Variants in ARHGEF10 observed in about 807,000 individuals in gnomAD.
ARHGEF10 encodes Rho guanine nucleotide exchange factor (GEF) 10.
In ARHGEF10, 140 loss-of-function variants were observed where a neutral mutation model predicts 147.4. That is an observed-to-expected ratio of 0.95 (90% CI 0.83 to 1.09). ARHGEF10 has a LOEUF of 1.09. Ranked by LOEUF, ARHGEF10 falls within the 50% of genes least tolerant of loss-of-function variation. The pLI, the probability that ARHGEF10 is intolerant of heterozygous loss-of-function variation, is 0.00. For synonymous variants in ARHGEF10, 902 were observed against 695.8 expected, an observed-to-expected ratio of 1.30 and a Z score of -4.67; for missense variants, 2,222 against 1,752.7, an observed-to-expected ratio of 1.27 and a Z score of -4.78.
intron 6 of ARHGEF10, 147 bp downstream of exon 6, chr8:1,866,749 C>A: frequency 1.1e-6 from 1 of 874,898 alleles, no homozygotes; most frequent in Non-Finnish European, 1.8e-6. Flanking sequence ...CATGGGCTGA[C>A]TGTGCAGAAG....
At chr8:1,898,656 C>T (rs895565502) in intron 15 of ARHGEF10, 131 bp downstream of exon 15, 21 of 954,292 alleles carry the variant, frequency 2.2e-5, no homozygotes, top group Non-Finnish European at 2.6e-5. Context: ...TAGGCAGTTA[C>T]AGGAGGTGGA....
intron 4 of ARHGEF10, among the ~76,000 whole-genome samples, chr8:1,864,011 C>T (rs978543395): frequency 6.6e-6 from 1 of 152,014 alleles, no homozygotes; most frequent in Non-Finnish European, 1.5e-5. Flanking sequence ...GAGAACATCC[C>T]GTTTCTTTCT....
At chr8:1,889,162 T>A (rs1280527268) in intron 11 of ARHGEF10, among the ~76,000 whole-genome samples, 1 of 65,310 alleles carries the variant, frequency 1.5e-5, no homozygotes, top group African/African-American at 7.4e-5. Flanking sequence ...GAGGAGACGC[T>A]GAGTTGGGGG....
At chr8:1,826,224 T>G in intron 1 of ARHGEF10, 2 of 1,204,106 alleles carry the variant, frequency 1.7e-6, no homozygotes, top group Non-Finnish European at 2.4e-6. Flanking sequence ...TTATTCAGAA[T>G]AGCTTTTTAT....
intron 26 of ARHGEF10, among the ~76,000 whole-genome samples, chr8:1,935,947 A>C (rs779282223): frequency 6.6e-6 from 1 of 152,192 alleles, no homozygotes; most frequent in Non-Finnish European, 1.5e-5. Flanking sequence ...GTGGTGCCTG[A>C]TGAGCCCACC....
At chr8:1,849,296 C>T (rs980523972) in intron 2 of ARHGEF10, among the ~76,000 whole-genome samples, 3 of 143,464 alleles carry the variant, frequency 2.1e-5, no homozygotes, top group African/African-American at 5.3e-5. Context: ...GTGGACACAG[C>T]AAATGCCGAG....
At chr8:1,844,387 G>T (rs1248035457) in intron 2 of ARHGEF10, among the ~76,000 whole-genome samples, 1 of 152,310 alleles carries the variant, frequency 6.6e-6, no homozygotes, top group South Asian at 2.1e-4. Flanking sequence ...GGTCACCGGG[G>T]CCTGGTAGAT....
At chr8:1,860,729 G>A (rs1055130582) in intron 4 of ARHGEF10, among the ~76,000 whole-genome samples, 6 of 152,172 alleles carry the variant, frequency 3.9e-5, no homozygotes, top group African/African-American at 1.4e-4. Context: ...CCCACCAGCT[G>A]CTCACGGGAG....
rs1014388069 is a variant in ARHGEF10, at chr8:1,882,757, C to T, written c.1075+8C>T. ...AGTCTCTCATCGCACAGGGTCCGTGCCTGCAGGTCTTCTTGCGGGGAGGAC... is the reference window on the plus strand; with the variant it reads ...AGTCTCTCATCGCACAGGGTCCGTGTCTGCAGGTCTTCTTGCGGGGAGGAC... On this transcript the variant is annotated splice_region_variant and intron_variant, in intron 10 of 28. Coordinates refer to ENST00000349830, the MANE Select transcript of ARHGEF10 (RefSeq NM_014629.4). 30 of 1,411,624 alleles carry T rather than the reference C, an allele frequency of 2.1e-5. No individual in the cohort carries two copies. The highest frequency in any genetic ancestry group is 1.9e-4 in the Middle Eastern group (1 of 5,222). 87.4% of individuals were successfully genotyped at this position (1,411,624 alleles called of 1,614,324 possible).
chr8:1,846,523 C>T (rs180997110), intron 2 of ARHGEF10, among the ~76,000 whole-genome samples: 1 of 152,184 alleles, frequency 6.6e-6, no homozygotes, highest in Non-Finnish European at 1.5e-5. Context: ...CATCACTTTT[C>T]TGGTTTTTTT....
chr8:1,840,474 C>G (rs2129048082), intron 1 of ARHGEF10, among the ~76,000 whole-genome samples: 2 of 143,680 alleles, frequency 1.4e-5, no homozygotes, highest in Non-Finnish European at 3.1e-5. Context: ...GGTGTGGGTA[C>G]TGTCCTGTGT....
intron 1 of ARHGEF10, among the ~76,000 whole-genome samples, chr8:1,838,240 G>C (rs1803709822): frequency 6.6e-6 from 1 of 152,232 alleles, no homozygotes; most frequent in Non-Finnish European, 1.5e-5. Flanking sequence ...ATTGGCCCTG[G>C]TGCCAGCGTC....
chr8:1,857,631 G>A (rs1258965015), intron 2 of ARHGEF10, among the ~76,000 whole-genome samples: 1 of 151,916 alleles, frequency 6.6e-6, no homozygotes, highest in East Asian at 1.9e-4. Context: ...TGTTGGCCAG[G>A]CTGGTCTCAA....
intron 18 of ARHGEF10, among the ~76,000 whole-genome samples, chr8:1,920,835 A>T (rs887494521): frequency 5.3e-5 from 8 of 151,634 alleles, no homozygotes; most frequent in African/African-American, 1.7e-4. Flanking sequence ...CCCAGGCTGG[A>T]GTGCAATGGC....
intron 27 of ARHGEF10, among the ~76,000 whole-genome samples, chr8:1,951,451 A>G (rs1377717494): frequency 6.6e-6 from 1 of 152,236 alleles, no homozygotes; most frequent in Non-Finnish European, 1.5e-5. Flanking sequence ...TAAAAATAAT[A>G]TGAATCGGCG....
intron 26 of ARHGEF10, among the ~76,000 whole-genome samples, chr8:1,943,352 C>T (rs1367883593): frequency 2.0e-5 from 3 of 152,130 alleles, no homozygotes; most frequent in Non-Finnish European, 4.4e-5. Flanking sequence ...GAGCCAGTGC[C>T]GCGAGGAGGC....
intron 18 of ARHGEF10, among the ~76,000 whole-genome samples, chr8:1,912,304 C>T (rs984517513): frequency 1.3e-4 from 20 of 151,524 alleles, no homozygotes; most frequent in Non-Finnish European, 2.7e-4. Context: ...CCTGCAAAGG[C>T]GCTGTGTGGA....
rs556107415 is a variant in ARHGEF10, at chr8:1,826,290, C to A, written c.-48+2177C>A. On this transcript the variant is annotated intron_variant, in intron 1 of 28. Transcript: ENST00000349830. Reference sequence around the variant, plus strand: ...TGTAACCACATTTGTCTTCTGGGTGCTTTGGTGTGCTGCCTTTCCTCTGCA... The same window carrying A: ...TGTAACCACATTTGTCTTCTGGGTGATTTGGTGTGCTGCCTTTCCTCTGCA... Among the ~76,000 whole-genome samples the A allele has an allele frequency of 2.6e-5, 4 of 152,220 alleles. No homozygotes were observed. In the East Asian group the frequency reaches 5.8e-4, roughly 22 times the overall value.
intron 2 of ARHGEF10, among the ~76,000 whole-genome samples, chr8:1,849,968 C>T (rs940515456): frequency 6.4e-3 from 607 of 94,964 alleles, no homozygotes; most frequent in Non-Finnish European, 9.3e-3. Context: ...CTGAGGAGGG[C>T]GTGGGCCGGC....
Sources: allele counts gnomAD v4.1 joint callset (sites outside exome capture counted in the v4.1 genomes callset), GRCh38; gene constraint gnomAD v4.1.1; transcripts MANE v1.5; gene names NCBI Gene and HGNC (gene_info 2026-07-23, HGNC 2026-07-21).